Variants in NKD1 observed in about 807,000 individuals in gnomAD.
NKD1 encodes the protein NKD inhibitor of Wnt signaling pathway 1.
Under a neutral mutation model 56.0 loss-of-function variants are expected in NKD1, and 21 were observed. The observed-to-expected ratio is 0.38, with a 90% confidence interval of 0.27 to 0.54. NKD1 has a LOEUF of 0.54. NKD1 is among the 20% of genes least tolerant of loss of function. NKD1 has a pLI of 0.82. For synonymous variants in NKD1, 263 were observed against 265.7 expected (o/e 0.99, Z 0.10); for missense variants, 578 against 642.7 (o/e 0.90, Z 1.09).
intron 3 of NKD1, among the ~76,000 whole-genome samples, chr16:50,586,402 C>G (rs144491399): frequency 0.012 from 1,755 of 151,842 alleles, 34 homozygotes; most frequent in African/African-American, 0.041. Flanking sequence ...GTGGCTGTCT[C>G]CCTACCTCCC....
chr16:50,595,641 T>G (rs923218838), intron 3 of NKD1, among the ~76,000 whole-genome samples: 2 of 152,134 alleles, frequency 1.3e-5, no homozygotes, highest in African/African-American at 4.8e-5. Context: ...AAAACAGCAA[T>G]AGCTCACACG....
Position 50,633,609 on chromosome 16 carries a change from G to A in NKD1, c.1241G>A (p.Arg414Gln), listed in dbSNP as rs746535439. 44 of 1,610,168 alleles carry A rather than the reference G, an allele frequency of 2.7e-5. No individual in the cohort carries two copies. Among genetic ancestry groups the A allele is most frequent in the Middle Eastern group, 1.6e-4 (1 of 6,076 alleles). ...GCCAAGGAGAGCCAGCAGGGCTGCC[G>A]GGGCCTGCAGGCACCACTGGCCTCA... is the stretch of plus-strand genomic sequence containing the variant. ...HRAKESQQGC[R>Q]GLQAPLASGG... Residue 414 changes from arginine to glutamine, a missense_variant, in exon 10 of 10, where the codon CGG becomes CAG. Physicochemically the swap from Arg to Gln is conservative, Grantham distance 43 (BLOSUM62 1). Transcript: ENST00000268459. This position sits in a 1 kb window ranked among gnomAD's most constrained non-coding sequence, Gnocchi z 4.9.
intron 3 of NKD1, among the ~76,000 whole-genome samples, chr16:50,590,665 G>A (rs1961345866): frequency 6.6e-6 from 1 of 152,220 alleles, no homozygotes; most frequent in South Asian, 2.1e-4. Flanking sequence ...AAGTTTATTA[G>A]TTTGCCCAGC....
intron 3 of NKD1, among the ~76,000 whole-genome samples, chr16:50,570,276 T>C (rs953655174): frequency 5.9e-5 from 9 of 152,166 alleles, no homozygotes; most frequent in African/African-American, 1.9e-4. Context: ...CTTGACTCCA[T>C]GGGGATGATG....
rs193146171 is a variant in NKD1, at chr16:50,582,790, C to T, written c.193-25504C>T. ...TTGGGAGGCCGAGGTGGGTGGATCA[C>T]GAGGTCAGGAGTTCGAGACTAGCCT... On this transcript the variant is annotated intron_variant, in intron 3 of 9. Transcript: ENST00000268459. Among the ~76,000 whole-genome samples, 5 of 152,282 alleles carry T rather than the reference C, an allele frequency of 3.3e-5. No individual in the cohort carries two copies. In the East Asian group the frequency reaches 5.8e-4, roughly 18 times the overall value.
At chr16:50,599,767 G>A (rs972882499) in intron 3 of NKD1, among the ~76,000 whole-genome samples, 9 of 152,218 alleles carry the variant, frequency 5.9e-5, no homozygotes, top group South Asian at 4.2e-4. Context: ...TCCCCACCCC[G>A]TGCCCTGCCT....
At chr16:50,549,701 A>C in intron 3 of NKD1, 146 bp downstream of exon 3, 1 of 831,128 alleles carries the variant, frequency 1.2e-6, no homozygotes, top group Non-Finnish European at 1.8e-6. Context: ...TGCCCCACCA[A>C]CGCGACCCTC....
chr16:50,563,338 A>T (rs539078135), intron 3 of NKD1, among the ~76,000 whole-genome samples: 1 of 150,304 alleles, frequency 6.7e-6, no homozygotes, highest in East Asian at 2.0e-4. Flanking sequence ...TGTCAGGCTA[A>T]ACTCCATCCT....
chr16:50,579,181 T>TA lies in NKD1; in HGVS notation c.193-29112dup, dbSNP rs1302763879. The stretch of plus-strand genomic sequence containing the variant: ...CTAACCAGCCACACATGCACTGTCT[T>TA]ACTCCTGCAGGCTACCCGCTACACA... On this transcript the variant is annotated intron_variant, in intron 3 of 9. Coordinates refer to ENST00000268459, the MANE Select transcript of NKD1 (RefSeq NM_033119.5). Among the ~76,000 whole-genome samples the TA allele has an allele frequency of 2.0e-5, 3 of 151,024 alleles. No homozygotes were observed. The East Asian group carries it at 5.9e-4, about 30-fold the overall frequency.
At chr16:50,582,443 G>A (rs527269146) in intron 3 of NKD1, among the ~76,000 whole-genome samples, 1 of 152,278 alleles carries the variant, frequency 6.6e-6, no homozygotes, top group Non-Finnish European at 1.5e-5. Context: ...AAAGAATGTG[G>A]TTGCCTCATA....
chr16:50,632,690 C>T lies in NKD1; in HGVS notation c.823+282C>T, dbSNP rs527939994. Among the ~76,000 whole-genome samples the T allele has an allele frequency of 2.8e-4, 43 of 152,286 alleles. No homozygotes were observed. Among genetic ancestry groups the T allele is most frequent in the African/African-American group, 1.0e-3 (42 of 41,560 alleles). Reference sequence around the variant, plus strand: ...TCCCAGCCCACCCAAGCCCTGTTCCCGGGGCAACCACTTTGACCTCTCCTG... The same window carrying T: ...TCCCAGCCCACCCAAGCCCTGTTCCTGGGGCAACCACTTTGACCTCTCCTG... On this transcript the variant is annotated intron_variant, in intron 9 of 9. Coordinates refer to ENST00000268459, the MANE Select transcript of NKD1 (RefSeq NM_033119.5). The surrounding 1 kb of genome is among the most constrained non-coding windows in gnomAD (Gnocchi z 4.1).
chr16:50,625,830 G>A (rs952995023), intron 6 of NKD1, among the ~76,000 whole-genome samples: 3 of 105,648 alleles, frequency 2.8e-5, no homozygotes, highest in Non-Finnish European at 6.8e-5. Flanking sequence ...TGTCCCTCCC[G>A]GGAAAGAAGT....
At chr16:50,615,411 T>C (rs559703236) in intron 4 of NKD1, among the ~76,000 whole-genome samples, 1 of 152,262 alleles carries the variant, frequency 6.6e-6, no homozygotes, top group South Asian at 2.1e-4. Flanking sequence ...GATATAATGA[T>C]GGTGTAATAA....
rs1167989364 is a variant in NKD1, at chr16:50,648,477, A to G, written c.*14696A>G. On this transcript the variant is annotated 3_prime_UTR_variant, in exon 10 of 10. Transcript: ENST00000268459. ...ATCATCCTCACCAAGTTGCCACTGG[A>G]CTTTCTTGCCCCTAAATCCACTGGG... 1 of 152,436 alleles carries G rather than the reference A, an allele frequency of 6.6e-6. No homozygotes were observed. The highest frequency in any genetic ancestry group is 2.4e-5 in the African/African-American group (1 of 41,426). 9.4% of individuals were successfully genotyped at this position (152,436 alleles called of 1,614,324 possible).
chr16:50,594,928 C>T (rs1260605204), intron 3 of NKD1, among the ~76,000 whole-genome samples: 7 of 152,214 alleles, frequency 4.6e-5, no homozygotes, highest in Non-Finnish European at 7.4e-5. Context: ...AGGCCTGCTA[C>T]AGGTGGTCTG....
chr16:50,584,849 C>A (rs1412676089), intron 3 of NKD1, among the ~76,000 whole-genome samples: 1 of 152,172 alleles, frequency 6.6e-6, no homozygotes, highest in East Asian at 1.9e-4. Context: ...CTTCTTGACA[C>A]CCCTACACTT....
intron 6 of NKD1, among the ~76,000 whole-genome samples, chr16:50,629,758 C>T (rs1962302052): frequency 1.3e-5 from 2 of 152,052 alleles, no homozygotes; most frequent in Admixed American, 1.3e-4. Context: ...AGTGAGACCC[C>T]CATCTCAAAC....
chr16:50,605,526 T>C (rs1251077794), intron 3 of NKD1, among the ~76,000 whole-genome samples: 12 of 152,118 alleles, frequency 7.9e-5, no homozygotes. Flanking sequence ...AGATAGAAAA[T>C]ATTTGGAAAC....
rs1017244140 is a variant in NKD1, at chr16:50,645,003, G to A, written c.*11222G>A. 6.6e-6 allele frequency: 1 copy of A among 152,300 alleles called. No individual in the cohort carries two copies. The highest frequency in any genetic ancestry group is 1.5e-5 in the Non-Finnish European group (1 of 68,080). The allele number at this position is 152,300 out of a possible 1,614,324, so 9.4% of individuals were successfully genotyped here. A position where few individuals can be genotyped will look rare whatever the true frequency, so the allele number is the denominator to read the frequency against. ...AGCTTCTGGGCAAGACGTGGGCAGA[G>A]CAAAGAGAGACCCACACTTGGCACT... On this transcript the variant is annotated 3_prime_UTR_variant, in exon 10 of 10. Coordinates refer to ENST00000268459, the MANE Select transcript of NKD1 (RefSeq NM_033119.5).
Sources: allele counts gnomAD v4.1 joint callset (sites outside exome capture counted in the v4.1 genomes callset), GRCh38; gene constraint gnomAD v4.1.1; non-coding constraint Gnocchi (gnomAD v3.1); transcripts MANE v1.5; gene names NCBI Gene and HGNC (gene_info 2026-07-23, HGNC 2026-07-21).